PDE3A: variants seen among roughly 807,000 people sequenced by gnomAD.
PDE3A encodes the protein cGMP-inhibited 3',5'-cyclic phosphodiesterase 3A.
A neutral mutation model predicts 98.3 loss-of-function variants in PDE3A; 43 were observed. That is an observed-to-expected ratio of 0.44 (90% CI 0.34 to 0.56). PDE3A has a LOEUF of 0.56. Among genes scored for constraint, PDE3A ranks in the 20% least tolerant of loss-of-function variants. The probability of loss-of-function intolerance (pLI) is 0.01; values close to 1 mark genes in which losing one functional copy is unlikely to be tolerated. For synonymous variants in PDE3A, 663 were observed against 567.9 expected (o/e 1.17, Z -2.38); for missense variants, 1,427 against 1,440.7 (o/e 0.99, Z 0.15).
chr12:20,611,514 C>G (rs1943853741), intron 2 of PDE3A, among the ~76,000 whole-genome samples: 2 of 151,760 alleles, frequency 1.3e-5, no homozygotes, highest in South Asian at 4.2e-4. Flanking sequence ...TTCCACCTGT[C>G]TGATTTTGGC....
At chr12:20,672,930 A>G (rs1173531492) in intron 15 of PDE3A, among the ~76,000 whole-genome samples, 1 of 148,588 alleles carries the variant, frequency 6.7e-6, no homozygotes, top group Non-Finnish European at 1.5e-5. Flanking sequence ...AAATGGGAGA[A>G]AATTTTCACA....
At chr12:20,440,049 T>TA (rs887997119) in intron 1 of PDE3A, among the ~76,000 whole-genome samples, 1 of 152,138 alleles carries the variant, frequency 6.6e-6, no homozygotes, top group African/African-American at 2.4e-5. Flanking sequence ...GGGTACTGTA[T>TA]AAAAAATGAT....
chr12:20,534,494 G>A (rs1941704143), intron 1 of PDE3A, among the ~76,000 whole-genome samples: 1 of 152,148 alleles, frequency 6.6e-6, no homozygotes, highest in African/African-American at 2.4e-5. Flanking sequence ...AAGGATGTAT[G>A]CCACGAAATA....
intron 1 of PDE3A, among the ~76,000 whole-genome samples, chr12:20,545,675 AT>A (rs1942031876): frequency 6.6e-6 from 1 of 151,624 alleles, no homozygotes; most frequent in African/African-American, 2.4e-5. Flanking sequence ...AGAGATTTAG[AT>A]TCTGAGAAAG....
At chr12:20,418,054 T>C (rs7314187) in intron 1 of PDE3A, among the ~76,000 whole-genome samples, 1 of 152,040 alleles carries the variant, frequency 6.6e-6, no homozygotes, top group African/African-American at 2.4e-5. Context: ...TTTTCCTAGG[T>C]AGAGAATCTA....
At chr12:20,429,757 A>G (rs1180671244) in intron 1 of PDE3A, among the ~76,000 whole-genome samples, 1 of 152,188 alleles carries the variant, frequency 6.6e-6, no homozygotes, top group African/African-American at 2.4e-5. Context: ...AATTTTTTCT[A>G]GTTATTGTTG....
In PDE3A at chr12:20,552,716, A is replaced by T; in HGVS notation, c.961-3944A>T. Reference sequence around the variant, plus strand: ...AAGAGCAACGCCAAGCTGTGGAATGAGGTCCTGGCGTCACTCAAGGACCGG... The same window carrying T: ...AAGAGCAACGCCAAGCTGTGGAATGTGGTCCTGGCGTCACTCAAGGACCGG... On this transcript the variant is annotated intron_variant, in intron 1 of 15. Coordinates refer to ENST00000359062, the MANE Select transcript of PDE3A (RefSeq NM_000921.5). This position sits in a 1 kb window ranked among gnomAD's most constrained non-coding sequence, Gnocchi z 5.1. 6.2e-7 allele frequency: 1 copy of T among 1,614,034 alleles called. No individual in the cohort carries two copies. The highest frequency in any genetic ancestry group is 8.5e-7 in the Non-Finnish European group (1 of 1,179,894).
rs188106524 is a variant in PDE3A at position 20,398,870 on chromosome 12, C to T, written c.960+28626C>T. On this transcript the variant is annotated intron_variant, in intron 1 of 15. Coordinates refer to ENST00000359062, the MANE Select transcript of PDE3A (RefSeq NM_000921.5). ...CATTTTTAAATATACAGTTCAGTGACATTAAGTACATTTACATTGTTGGGC... is the reference window on the plus strand; with the variant it reads ...CATTTTTAAATATACAGTTCAGTGATATTAAGTACATTTACATTGTTGGGC... Among the ~76,000 whole-genome samples, 585 of 152,188 alleles carry T rather than the reference C, an allele frequency of 3.8e-3. 7 individuals are homozygous for T. Among genetic ancestry groups the T allele is most frequent in the Non-Finnish European group, 3.8e-3 (258 of 68,000 alleles).
chr12:20,401,356 T>C (rs1465311667), intron 1 of PDE3A, among the ~76,000 whole-genome samples: 3 of 152,236 alleles, frequency 2.0e-5, no homozygotes, highest in Non-Finnish European at 4.4e-5. Flanking sequence ...AAAAGTAGTT[T>C]GTAGTTGTTT....
intron 1 of PDE3A, among the ~76,000 whole-genome samples, chr12:20,377,618 TAC>T (rs1354377003): frequency 1.3e-5 from 2 of 151,844 alleles, no homozygotes; most frequent in Admixed American, 6.6e-5. Context: ...AATAACAATA[TAC>T]AGTCTTTAAA....
chr12:20,441,104 A>C (rs77742943), intron 1 of PDE3A, among the ~76,000 whole-genome samples: 1 of 152,344 alleles, frequency 6.6e-6, no homozygotes, highest in Non-Finnish European at 1.5e-5. Flanking sequence ...AGTATAATGG[A>C]TACATAAGAA....
chr12:20,596,648 T>TA (rs1169167401), intron 2 of PDE3A, among the ~76,000 whole-genome samples: 1 of 152,162 alleles, frequency 6.6e-6, no homozygotes, highest in Non-Finnish European at 1.5e-5. Flanking sequence ...CGATCTGGCT[T>TA]AAGTATCAGA....
At chr12:20,665,604 AG>A (rs1945288292) in intron 15 of PDE3A, among the ~76,000 whole-genome samples, 1 of 152,154 alleles carries the variant, frequency 6.6e-6, no homozygotes, top group African/African-American at 2.4e-5. Flanking sequence ...TTTTTTAAGT[AG>A]GGTACTCATT....
chr12:20,413,136 G>A (rs933418584), intron 1 of PDE3A, among the ~76,000 whole-genome samples: 1 of 152,176 alleles, frequency 6.6e-6, no homozygotes, highest in African/African-American at 2.4e-5. Context: ...TGATTAAAGG[G>A]ATGTAAAATA....
chr12:20,385,189 A>T (rs533006518), intron 1 of PDE3A, among the ~76,000 whole-genome samples: 12 of 152,068 alleles, frequency 7.9e-5, no homozygotes, highest in Middle Eastern at 6.8e-3. Context: ...CCTCACCAGC[A>T]CCTGTTGTTT....
At chr12:20,422,313 C>T (rs1944531821) in intron 1 of PDE3A, among the ~76,000 whole-genome samples, 1 of 151,582 alleles carries the variant, frequency 6.6e-6, no homozygotes, top group Non-Finnish European at 1.5e-5. Flanking sequence ...CACTGCACTC[C>T]AGCCTGGGCA....
chr12:20,374,500 G>C (rs542802775), intron 1 of PDE3A, among the ~76,000 whole-genome samples: 1 of 152,124 alleles, frequency 6.6e-6, no homozygotes, highest in East Asian at 1.9e-4. Context: ...CCTTGGGGGA[G>C]GGGGTGCAGG....
rs187136567 is a variant in PDE3A, at chr12:20,626,782, G to A, written c.1541-3126G>A. On this transcript the variant is annotated intron_variant, in intron 5 of 15. Transcript: ENST00000359062. ...CAAAGTGCTAGGATTACAGGCATGA[G>A]CCACCGCGCCTAGCCGAGTTATGCT... 5.3e-5 allele frequency among the ~76,000 whole-genome samples: 8 copies of A among 152,314 alleles called. No homozygotes were observed. In the East Asian group the frequency reaches 1.5e-3, roughly 29 times the overall value.
chr12:20,399,507 C>T (rs1944081632), intron 1 of PDE3A, among the ~76,000 whole-genome samples: 1 of 152,100 alleles, frequency 6.6e-6, no homozygotes, highest in African/African-American at 2.4e-5. Flanking sequence ...ACATTTAGCA[C>T]ATTAAGACTT....
Sources: allele counts gnomAD v4.1 joint callset (sites outside exome capture counted in the v4.1 genomes callset), GRCh38; gene constraint gnomAD v4.1.1; non-coding constraint Gnocchi (gnomAD v3.1); transcripts MANE v1.5; gene names NCBI Gene and HGNC (gene_info 2026-07-23, HGNC 2026-07-21).